PXDNL: variants seen among roughly 807,000 people sequenced by gnomAD.
PXDNL encodes peroxidasin like.
PXDNL carries 145 observed loss-of-function variants against 150.8 expected under a neutral mutation model. The ratio of observed to expected loss-of-function variants is 0.96; its 90% confidence interval spans 0.84 to 1.10. The LOEUF is 1.10. PXDNL is among the 50% of genes least tolerant of loss of function. PXDNL has a pLI of 0.00. For missense variants in PXDNL, 2,087 were observed against 1,873.9 expected (o/e 1.11, Z -2.10); for synonymous variants, 757 against 725.7 (o/e 1.04, Z -0.69).
intron 7 of PXDNL, among the ~76,000 whole-genome samples, chr8:51,473,628 G>A (rs1185795659): frequency 1.3e-5 from 2 of 151,470 alleles, no homozygotes; most frequent in African/African-American, 4.9e-5. Flanking sequence ...AGCATTAGGA[G>A]ATATACCTAA....
At chr8:51,382,698 TA>T (rs772081314) in intron 17 of PXDNL, among the ~76,000 whole-genome samples, 47 of 150,954 alleles carry the variant, frequency 3.1e-4, no homozygotes, top group East Asian at 9.7e-4. Context: ...TAAAATAAGT[TA>T]AAAAAAAAGA....
intron 1 of PXDNL, among the ~76,000 whole-genome samples, chr8:51,760,574 A>C (rs539736475): frequency 6.6e-6 from 1 of 152,338 alleles, no homozygotes; most frequent in South Asian, 2.1e-4. Context: ...AATGAGATTT[A>C]GATCACCTTC....
chr8:51,778,711 GTTC>G, intron 1 of PXDNL, among the ~76,000 whole-genome samples: 1 of 152,318 alleles, frequency 6.6e-6, no homozygotes, highest in Admixed American at 6.5e-5. Context: ...CATCCAGCTC[GTTC>G]TTCTCTGCTT....
At chr8:51,380,623 G>A (rs1282499730) in intron 17 of PXDNL, among the ~76,000 whole-genome samples, 1 of 152,034 alleles carries the variant, frequency 6.6e-6, no homozygotes, top group Non-Finnish European at 1.5e-5. Flanking sequence ...AAAGTAATAT[G>A]GCAGTTTTAT....
At chr8:51,413,489 A>C (rs545227149) in intron 14 of PXDNL, among the ~76,000 whole-genome samples, 1 of 152,328 alleles carries the variant, frequency 6.6e-6, no homozygotes, top group Admixed American at 6.5e-5. Flanking sequence ...GAATTAAAGT[A>C]TTCCAAAATC....
chr8:51,609,413 A>AT (rs1427705809), intron 2 of PXDNL, among the ~76,000 whole-genome samples: 2 of 152,216 alleles, frequency 1.3e-5, no homozygotes, highest in Non-Finnish European at 2.9e-5. Flanking sequence ...AGTGTCCTCT[A>AT]TCCCGGGGTC....
At chr8:51,592,284 C>T (rs1296021873) in intron 3 of PXDNL, among the ~76,000 whole-genome samples, 3 of 151,974 alleles carry the variant, frequency 2.0e-5, no homozygotes, top group African/African-American at 7.2e-5. Context: ...CTTTAGCCAA[C>T]AACAAAAAAA....
intron 3 of PXDNL, among the ~76,000 whole-genome samples, chr8:51,587,484 A>G (rs1813349454): frequency 6.6e-6 from 1 of 152,198 alleles, no homozygotes; most frequent in African/African-American, 2.4e-5. Flanking sequence ...ACTCACTAGA[A>G]TTTCAGATGA....
At chr8:51,673,538 T>C (rs1815544168) in intron 1 of PXDNL, among the ~76,000 whole-genome samples, 1 of 152,172 alleles carries the variant, frequency 6.6e-6, no homozygotes, top group Admixed American at 6.5e-5. Context: ...TGAATAAACA[T>C]TTTAAGTTTC....
At chr8:51,660,380 A>G (rs1177108902) in intron 1 of PXDNL, among the ~76,000 whole-genome samples, 1 of 152,170 alleles carries the variant, frequency 6.6e-6, no homozygotes, top group Admixed American at 6.5e-5. Flanking sequence ...TCATCCAGTG[A>G]GGTGGGGCCT....
At chr8:51,768,141 T>TGAA (rs2037251593) in intron 1 of PXDNL, among the ~76,000 whole-genome samples, 1 of 152,202 alleles carries the variant, frequency 6.6e-6, no homozygotes, top group Admixed American at 6.5e-5. Context: ...TGAACAAAGC[T>TGAA]CACGATTCTT....
intron 17 of PXDNL, among the ~76,000 whole-genome samples, chr8:51,400,578 G>A (rs1343146362): frequency 1.3e-5 from 2 of 152,180 alleles, no homozygotes; most frequent in Non-Finnish European, 2.9e-5. Flanking sequence ...TCTAAGAAAT[G>A]GACCTTGGAG....
chr8:51,359,865 G>A (rs1459234707), intron 19 of PXDNL, among the ~76,000 whole-genome samples: 1 of 152,082 alleles, frequency 6.6e-6, no homozygotes, highest in African/African-American at 2.4e-5. Context: ...AATCAGGAAA[G>A]GAACACTGGC....
chr8:51,557,659 T>G (rs922867083), intron 3 of PXDNL, among the ~76,000 whole-genome samples: 1 of 152,122 alleles, frequency 6.6e-6, no homozygotes, highest in African/African-American at 2.4e-5. Flanking sequence ...TTGCATATTG[T>G]CAGTGCATCA....
intron 21 of PXDNL, among the ~76,000 whole-genome samples, chr8:51,328,158 C>T (rs1805575874): frequency 6.6e-6 from 1 of 152,214 alleles, no homozygotes; most frequent in Admixed American, 6.5e-5. Context: ...GATGGCCTTC[C>T]ACTTCATCTG....
chr8:51,676,220 A>G lies in PXDNL; in HGVS notation c.165-21460T>C, dbSNP rs999487445. Among the ~76,000 whole-genome samples, 48 of 151,640 alleles carry G rather than the reference A, an allele frequency of 3.2e-4. 1 individual carries two copies. Among genetic ancestry groups the G allele is most frequent in the Admixed American group, 3.0e-3 (46 of 15,226 alleles). On this transcript the variant is annotated intron_variant, in intron 1 of 22. Coordinates refer to ENST00000356297, the MANE Select transcript of PXDNL (RefSeq NM_144651.5). ...TCTAAACCCTTTGGTGCCTTCACCT[A>G]TGCTGGCCATTTGCTCTCTGATGAG...
At chr8:51,421,079 GT>G (rs1412969958) in intron 14 of PXDNL, among the ~76,000 whole-genome samples, 5 of 152,174 alleles carry the variant, frequency 3.3e-5, no homozygotes, top group Non-Finnish European at 7.4e-5. Context: ...ATTCTGAAAT[GT>G]TTTTTCACTG....
chr8:51,449,472 C>T, intron 10 of PXDNL, among the ~76,000 whole-genome samples: 1 of 152,186 alleles, frequency 6.6e-6, no homozygotes, highest in East Asian at 1.9e-4. Context: ...ATTAACAAAA[C>T]CGTCTTCTCC....
chr8:51,415,197 A>G (rs1322499288), intron 14 of PXDNL, among the ~76,000 whole-genome samples: 1 of 152,248 alleles, frequency 6.6e-6, no homozygotes, highest in African/African-American at 2.4e-5. Flanking sequence ...GTTTATTGCA[A>G]CTTTGTGCAG....
Sources: gnomAD v4.1 joint callset for allele counts (sites outside exome capture counted in the v4.1 genomes callset) on GRCh38, gnomAD v4.1.1 for gene constraint, MANE v1.5 for transcripts, NCBI Gene and HGNC (gene_info 2026-07-23, HGNC 2026-07-21) for gene names.